Variants in LRRC56 observed in about 807,000 individuals in gnomAD.
LRRC56 encodes leucine-rich repeat-containing protein 56.
In LRRC56, 41 loss-of-function variants were observed where a neutral mutation model predicts 47.8. That is an observed-to-expected ratio of 0.86 (90% CI 0.67 to 1.11). The LOEUF is 1.11. Among genes scored for constraint, LRRC56 ranks in the 50% most tolerant of loss-of-function variants. The pLI is 0.00. For synonymous variants in LRRC56, 387 were observed against 311.2 expected (o/e 1.24, Z -2.56); for missense variants, 759 against 704.2 (o/e 1.08, Z -0.88).
At chr11:510,050 C>G in the LRRC56 span, among the ~76,000 whole-genome samples, 1,138 of 152,068 alleles carry the variant, frequency 7.5e-3, 12 homozygotes, top group African/African-American at 0.025. Context: ...CCACACAGAT[C>G]TGAGGGATGC....
chr11:552,760 A>G, intron 13 of LRRC56, 58 bp downstream of exon 13: 3 of 1,467,062 alleles, frequency 2.0e-6, no homozygotes, highest in Non-Finnish European at 2.8e-6. Flanking sequence ...CCCCACTTCT[A>G]TAGGGGGGCC....
At chr11:522,067 A>G in the LRRC56 span, among the ~76,000 whole-genome samples, 1 of 152,168 alleles carries the variant, frequency 6.6e-6, no homozygotes, top group African/African-American at 2.4e-5. Flanking sequence ...TTAAATGCAA[A>G]TGGTCCAAGC....
At chr11:523,823 G>A in the LRRC56 span, among the ~76,000 whole-genome samples, 1 of 152,108 alleles carries the variant, frequency 6.6e-6, no homozygotes, top group African/African-American at 2.4e-5. Flanking sequence ...AGCTACTCAG[G>A]AGGCTAAGGC....
chr11:551,995 C>T lies in LRRC56; in HGVS notation c.1038+28C>T, dbSNP rs187279409. 3.5e-5 allele frequency: 57 copies of T among 1,611,966 alleles called. No homozygotes were observed. The East Asian group carries it at 9.8e-4, about 28-fold the overall frequency. On this transcript the variant is annotated intron_variant, in intron 11 of 13. Coordinates refer to ENST00000270115, the MANE Select transcript of LRRC56 (RefSeq NM_198075.4). The stretch of plus-strand genomic sequence containing the variant: ...ACAGCCCACAGGGACCAGCCCCCCA[C>T]GAGAACCAGTGTCCAGGGTTGCGGC...
At chr11:522,008 A>G in the LRRC56 span, among the ~76,000 whole-genome samples, 4 of 152,214 alleles carry the variant, frequency 2.6e-5, no homozygotes, top group South Asian at 6.2e-4. Flanking sequence ...AACAAATAGC[A>G]TGAATGGAAA....
chr11:549,350 C>G (rs894934236), intron 6 of LRRC56, among the ~76,000 whole-genome samples: 1 of 152,106 alleles, frequency 6.6e-6, no homozygotes, highest in African/African-American at 2.4e-5. Context: ...GGTGAAGTCA[C>G]TGTGGCTACA....
At position 554,442 on chromosome 11, in the gene LRRC56, G is replaced by C. The variant is rs1589823797; in HGVS notation, c.*166G>C. 1 of 573,906 alleles carries C rather than the reference G, an allele frequency of 1.7e-6. No individual in the cohort carries two copies. Among genetic ancestry groups the C allele is most frequent in the Non-Finnish European group, 2.7e-6 (1 of 367,786 alleles). The allele number at this position is 573,906 out of a possible 1,614,324, so 35.6% of individuals were successfully genotyped here. A position where few individuals can be genotyped will look rare whatever the true frequency, so the allele number is the denominator to read the frequency against. ...GGAGTGGGGGACTGGGACCAGCCAG[G>C]GAGGCAGCAGAGGCTGGAACCCAGT... On this transcript the variant is annotated 3_prime_UTR_variant, in exon 14 of 14. Coordinates refer to ENST00000270115, the MANE Select transcript of LRRC56 (RefSeq NM_198075.4).
chr11:551,587 GA>G, intron 9 of LRRC56, 63 bp from the exon 10 acceptor site: 1 of 1,502,008 alleles, frequency 6.7e-7, no homozygotes, highest in Non-Finnish European at 8.9e-7. Flanking sequence ...CTGGTCTGTG[GA>G]CAGAGTCTGG....
the LRRC56 span, among the ~76,000 whole-genome samples, chr11:528,329 G>A: frequency 2.6e-5 from 4 of 152,314 alleles, no homozygotes; most frequent in South Asian, 2.1e-4. Context: ...AGAAGCTGAC[G>A]TCACACAGGT....
Position 554,119 on chromosome 11 carries a change from A to G in LRRC56, c.1472A>G (p.Asp491Gly). The G allele has an allele frequency of 1.2e-6, 2 of 1,604,800 alleles. No homozygotes were observed. The highest frequency in any genetic ancestry group is 1.7e-6 in the Non-Finnish European group (2 of 1,177,772). ...VLGSWGPGLG[D>G]GVAAVPVLRA... is the part of the protein sequence containing the mutation. Reference sequence around the variant, plus strand: ...GGCAGCTGGGGGCCTGGCCTGGGTGATGGGGTGGCTGCAGTGCCTGTCCTG... The same window carrying G: ...GGCAGCTGGGGGCCTGGCCTGGGTGGTGGGGTGGCTGCAGTGCCTGTCCTG... The change falls in exon 14 of 14, where the codon GAT becomes GGT. Residue 491 changes from aspartate (D) to glycine (G), a missense_variant. Asp to Gly is a moderately conservative substitution (Grantham distance 94). Coordinates refer to ENST00000270115, the MANE Select transcript of LRRC56 (RefSeq NM_198075.4).
intron 6 of LRRC56, among the ~76,000 whole-genome samples, chr11:549,059 G>A (rs979059483): frequency 6.6e-6 from 1 of 152,242 alleles, no homozygotes; most frequent in Non-Finnish European, 1.5e-5. Flanking sequence ...GCGAAAGGAC[G>A]GACCACCGGG....
the LRRC56 span, among the ~76,000 whole-genome samples, chr11:514,543 A>G: frequency 2.0e-5 from 3 of 152,034 alleles, no homozygotes; most frequent in Non-Finnish European, 4.4e-5. Flanking sequence ...GACCTCCCAA[A>G]GTGCTGGGAT....
rs530729621 is a variant in LRRC56 at position 542,935 on chromosome 11, G to T, written c.265+1311G>T. On this transcript the variant is annotated intron_variant, in intron 5 of 13. Coordinates refer to ENST00000270115, the MANE Select transcript of LRRC56 (RefSeq NM_198075.4). ...TTTTGAGATGGAGTCTCATTCTGTCGCCCAGGCTGGAGTGCAGTGGCGCAA... is the reference window on the plus strand; with the variant it reads ...TTTTGAGATGGAGTCTCATTCTGTCTCCCAGGCTGGAGTGCAGTGGCGCAA... Among the ~76,000 whole-genome samples, 9 of 151,340 alleles carry T rather than the reference G, an allele frequency of 5.9e-5. No homozygotes were observed. The East Asian group carries it at 1.5e-3, about 26-fold the overall frequency.
chr11:531,352 C>T, the LRRC56 span, among the ~76,000 whole-genome samples: 5 of 152,178 alleles, frequency 3.3e-5, no homozygotes, highest in Non-Finnish European at 7.4e-5. Flanking sequence ...CCAGCCTCAA[C>T]CCGGGCCCTG....
At chr11:520,455 G>A in the LRRC56 span, among the ~76,000 whole-genome samples, 2 of 152,098 alleles carry the variant, frequency 1.3e-5, no homozygotes, top group South Asian at 4.1e-4. Context: ...CGAGTAGCTG[G>A]GATTACGTGC....
At chr11:514,371 C>G in the LRRC56 span, among the ~76,000 whole-genome samples, 1 of 151,930 alleles carries the variant, frequency 6.6e-6, no homozygotes, top group Non-Finnish European at 1.5e-5. Context: ...ACGGCAACCT[C>G]TGCCTCCCAG....
At chr11:522,860 T>G in the LRRC56 span, among the ~76,000 whole-genome samples, 1 of 151,884 alleles carries the variant, frequency 6.6e-6, no homozygotes, top group East Asian at 1.9e-4. Context: ...GCGATTCTCC[T>G]GCATCAGCCT....
intron 1 of LRRC56, among the ~76,000 whole-genome samples, 195 bp downstream of exon 1, chr11:537,800 G>A (rs1851594869): frequency 6.6e-6 from 1 of 152,180 alleles, no homozygotes; most frequent in South Asian, 2.1e-4. Context: ...TGCACTGAAA[G>A]GGCTCCCTGT....
the LRRC56 span, among the ~76,000 whole-genome samples, chr11:518,169 A>C: frequency 2.6e-5 from 4 of 152,098 alleles, no homozygotes; most frequent in Non-Finnish European, 5.9e-5. Context: ...TCAATAAATA[A>C]AAAATAATAA....
Sources: gnomAD v4.1 joint callset for allele counts (sites outside exome capture counted in the v4.1 genomes callset) on GRCh38, gnomAD v4.1.1 for gene constraint, MANE v1.5 for transcripts, NCBI Gene and HGNC (gene_info 2026-07-23, HGNC 2026-07-21) for gene names.